Variants in ATP10A observed in about 807,000 individuals in gnomAD.
The protein encoded by ATP10A is ATPase phospholipid transporting 10A (putative).
A neutral mutation model predicts 147.8 loss-of-function variants in ATP10A; 111 were observed. The ratio of observed to expected loss-of-function variants is 0.75; its 90% confidence interval spans 0.64 to 0.88. The LOEUF is 0.88. ATP10A is among the 40% of genes least tolerant of loss of function. The probability of loss-of-function intolerance (pLI) is 0.00; values close to 1 mark genes in which losing one functional copy is unlikely to be tolerated. For missense variants in ATP10A, 1,927 were observed against 1,959.0 expected, an observed-to-expected ratio of 0.98 and a Z score of 0.31; for synonymous variants, 875 against 841.6, an observed-to-expected ratio of 1.04 and a Z score of -0.69.
At chr15:25,745,284 C>T (rs911583840) in intron 2 of ATP10A, among the ~76,000 whole-genome samples, 6 of 151,536 alleles carry the variant, frequency 4.0e-5, no homozygotes, top group African/African-American at 9.7e-5. Flanking sequence ...ACCCAGGAGG[C>T]GGAGGCTGCA....
chr15:25,815,450 A>G (rs12591365), intron 1 of ATP10A, among the ~76,000 whole-genome samples: 63,845 of 107,306 alleles, frequency 0.59, 16,304 homozygotes, highest in East Asian at 0.76. Context: ...CGACACTTTA[A>G]AAATAGCATC....
At position 25,679,944 on chromosome 15, in the gene ATP10A, A is replaced by G. The variant is rs199735367; in HGVS notation, c.3897T>C (p.Val1299=). The change falls in exon 21 of 21, where the codon GTT becomes GTC. Residue 1299 remains valine (V), a synonymous_variant. Coordinates refer to ENST00000555815, the MANE Select transcript of ATP10A (RefSeq NM_024490.4). ...RLFFRSLQGR[V]FPTQLQLARQ... ...GTGCCAGCTGAAGTTGTGTGGGGAA[A>G]ACCCTCCCCTGGAGGGATCTGAAAA... 6.2e-7 allele frequency: 1 copy of G among 1,605,590 alleles called. No individual in the cohort carries two copies. Among genetic ancestry groups the G allele is most frequent in the Non-Finnish European group, 8.5e-7 (1 of 1,174,070 alleles).
intron 1 of ATP10A, among the ~76,000 whole-genome samples, chr15:25,807,801 C>T (rs908902694): frequency 1.3e-4 from 18 of 142,770 alleles, no homozygotes; most frequent in African/African-American, 4.3e-4. Flanking sequence ...AAACTCCATC[C>T]CCCCGGCCAA....
chr15:25,715,667 C>T (rs1901753958), intron 9 of ATP10A, among the ~76,000 whole-genome samples: 1 of 152,264 alleles, frequency 6.6e-6, no homozygotes, highest in Non-Finnish European at 1.5e-5. Flanking sequence ...CGGCCTAAGC[C>T]TCAAGCCTGC....
At chr15:25,787,718 G>A (rs1890235626) in intron 1 of ATP10A, among the ~76,000 whole-genome samples, 1 of 152,160 alleles carries the variant, frequency 6.6e-6, no homozygotes, top group Admixed American at 6.5e-5. Context: ...CAGACATGGA[G>A]TAACACAGTT....
At chr15:25,730,301 C>CAAAAAAAAAAAAAA (rs763070472) in intron 3 of ATP10A, among the ~76,000 whole-genome samples, 3 of 9,162 alleles carry the variant, frequency 3.3e-4, no homozygotes, top group African/African-American at 6.3e-4. Context: ...GACTCTGTCT[C>CAAAAAAAAAAAAAA]AAAAAAAAAA....
At chr15:25,783,606 C>T (rs765849995) in intron 1 of ATP10A, among the ~76,000 whole-genome samples, 2 of 152,162 alleles carry the variant, frequency 1.3e-5, no homozygotes, top group Non-Finnish European at 1.5e-5. Flanking sequence ...ATCCACCAAA[C>T]CAGTTATGTA....
intron 2 of ATP10A, among the ~76,000 whole-genome samples, chr15:25,742,521 C>T (rs759017964): frequency 4.6e-5 from 7 of 152,190 alleles, no homozygotes; most frequent in Non-Finnish European, 5.9e-5. Flanking sequence ...TCCTGACTGT[C>T]GCACAGTCAA....
At chr15:25,778,329 A>T (rs965446089) in intron 2 of ATP10A, among the ~76,000 whole-genome samples, 1 of 152,218 alleles carries the variant, frequency 6.6e-6, no homozygotes, top group African/African-American at 2.4e-5. Flanking sequence ...ATTGAAACAC[A>T]GAGTACTTAA....
upstream of ATP10A, among the ~76,000 whole-genome samples, chr15:25,864,753 AC>A (rs1893915730): frequency 6.6e-6 from 1 of 152,104 alleles, no homozygotes; most frequent in South Asian, 2.1e-4. Context: ...AGAAACCCAA[AC>A]GGAGCATCAA....
intron 2 of ATP10A, among the ~76,000 whole-genome samples, chr15:25,756,231 G>A (rs1420538221): frequency 1.3e-5 from 2 of 152,204 alleles, no homozygotes; most frequent in Non-Finnish European, 2.9e-5. Flanking sequence ...GGCAAATGAA[G>A]AATCTTGTCA....
intron 1 of ATP10A, among the ~76,000 whole-genome samples, chr15:25,786,792 GT>G (rs60057456): frequency 0.015 from 1,986 of 135,258 alleles, 54 homozygotes; most frequent in African/African-American, 0.049. Flanking sequence ...TGCCCAGCTA[GT>G]TTTTTTTTTT....
intron 12 of ATP10A, among the ~76,000 whole-genome samples, chr15:25,707,449 A>G (rs74375430): frequency 6.6e-6 from 1 of 152,234 alleles, no homozygotes; most frequent in East Asian, 1.9e-4. Flanking sequence ...TATTTTAAGT[A>G]TTAAAGTAAG....
chr15:25,765,269 C>T (rs1015583414), intron 2 of ATP10A, among the ~76,000 whole-genome samples: 1 of 152,134 alleles, frequency 6.6e-6, no homozygotes, highest in Non-Finnish European at 1.5e-5. Flanking sequence ...ATTCTCCACT[C>T]CTCTATAGAA....
Position 25,773,377 on chromosome 15 carries a change from C to G in ATP10A, c.654+7642G>C, listed in dbSNP as rs556845599. Among the ~76,000 whole-genome samples the G allele has an allele frequency of 2.0e-5, 3 of 152,240 alleles. No homozygotes were observed. The South Asian group carries it at 6.2e-4, about 32-fold the overall frequency. ...GCTCTGACAGGTCTTGCATTGTGCT[C>G]TGTGGACACAAGGAAGTTCCCTCTT... On this transcript the variant is annotated intron_variant, in intron 2 of 20. Transcript: ENST00000555815.
At chr15:25,693,452 G>A (rs1596694930) in intron 14 of ATP10A, among the ~76,000 whole-genome samples, 1 of 152,296 alleles carries the variant, frequency 6.6e-6, no homozygotes, top group African/African-American at 2.4e-5. Flanking sequence ...CAGTGGCTAC[G>A]CGGCTGAGGC....
chr15:25,807,634 C>T (rs551762065), intron 1 of ATP10A, among the ~76,000 whole-genome samples: 6 of 152,188 alleles, frequency 3.9e-5, no homozygotes, highest in African/African-American at 1.4e-4. Flanking sequence ...GAAACCCCGC[C>T]TCTATGAAAA....
intron 1 of ATP10A, among the ~76,000 whole-genome samples, chr15:25,801,181 G>A (rs926597295): frequency 4.6e-5 from 7 of 152,118 alleles, no homozygotes; most frequent in African/African-American, 1.7e-4. Context: ...GGAATTTGAG[G>A]ACATGTGCTC....
chr15:25,731,820 T>C (rs962052439), intron 3 of ATP10A, among the ~76,000 whole-genome samples: 2 of 152,242 alleles, frequency 1.3e-5, no homozygotes, highest in African/African-American at 2.4e-5. Flanking sequence ...ATATTTCACA[T>C]ACTATAATGT....
Sources: gnomAD v4.1 joint callset for allele counts (sites outside exome capture counted in the v4.1 genomes callset) on GRCh38, gnomAD v4.1.1 for gene constraint, MANE v1.5 for transcripts, NCBI Gene and HGNC (gene_info 2026-07-23, HGNC 2026-07-21) for gene names.